The following ABCC1 variants were observed in gnomAD, a reference collection of about 807,000 sequenced individuals.
ABCC1 encodes the protein multidrug resistance-associated protein 1.
ABCC1 carries 83 observed loss-of-function variants against 172.9 expected under a neutral mutation model. The ratio of observed to expected loss-of-function variants is 0.48; its 90% CI spans 0.40 to 0.58. ABCC1 has a LOEUF of 0.58. Among genes scored for constraint, ABCC1 ranks in the 20% least tolerant of loss-of-function variants. ABCC1 has a pLI of 0.00. For synonymous variants in ABCC1, 937 were observed against 825.2 expected, an observed-to-expected ratio of 1.14 and a Z score of -2.32; for missense variants, 1,817 against 2,002.7, an observed-to-expected ratio of 0.91 and a Z score of 1.77.
intron 18 of ABCC1, among the ~76,000 whole-genome samples, chr16:16,087,617 C>T (rs1567388527): frequency 1.3e-5 from 2 of 152,130 alleles, no homozygotes; most frequent in East Asian, 3.9e-4. Context: ...ACCACCACGC[C>T]TGGCTAATTT....
chr16:16,027,623 A>G (rs1424948574), intron 5 of ABCC1, among the ~76,000 whole-genome samples: 2 of 152,194 alleles, frequency 1.3e-5, no homozygotes, highest in African/African-American at 4.8e-5. Flanking sequence ...GACTAGCTCA[A>G]GGAATAGAGT....
chr16:16,047,581 G>A (rs1322407631), intron 9 of ABCC1, among the ~76,000 whole-genome samples: 1 of 152,126 alleles, frequency 6.6e-6, no homozygotes, highest in East Asian at 1.9e-4. Context: ...TCCCAACTGG[G>A]GGCGAGGGCA....
At chr16:16,033,564 T>TA (rs922467367) in intron 6 of ABCC1, among the ~76,000 whole-genome samples, 1 of 152,252 alleles carries the variant, frequency 6.6e-6, no homozygotes, top group African/African-American at 2.4e-5. Context: ...AAGTGTGGGT[T>TA]AAAAAACCAC....
intron 5 of ABCC1, among the ~76,000 whole-genome samples, chr16:16,032,143 A>G (rs2048581310): frequency 6.6e-6 from 1 of 152,110 alleles, no homozygotes; most frequent in African/African-American, 2.4e-5. Flanking sequence ...GGCGCCTGCC[A>G]CCACATCCAG....
At chr16:15,965,735 TAC>T (rs1219085783) in intron 1 of ABCC1, among the ~76,000 whole-genome samples, 2 of 152,138 alleles carry the variant, frequency 1.3e-5, no homozygotes, top group Non-Finnish European at 1.5e-5. Context: ...TAGCTGGGAT[TAC>T]ACATGTGTAC....
rs2048006674 is a variant in ABCC1 at position 16,016,579 on chromosome 16, C to G, written c.573C>G (p.Phe191Leu). The change falls in exon 5 of 31, where the codon TTC becomes TTG. Residue 191 changes from phenylalanine to leucine, a missense_variant. By Grantham distance (22) the Phe-to-Leu change is conservative (BLOSUM62 0). Around this residue, in one of 3 missense-constraint regions of ABCC1, gnomAD observed 398 missense variants for 384.2 expected, o/e 1.04. Transcript: ENST00000399410. ...LLLIQLVLSC[F>L]SDRSPLFSET... ...TCATTCAGCTCGTCTTGTCCTGTTT[C>G]TCAGATCGCTCACCCCTGTTCTCGG... 2 of 1,614,070 alleles carry G rather than the reference C, an allele frequency of 1.2e-6. No homozygotes were observed. The highest frequency in any genetic ancestry group is 2.2e-5 in the East Asian group (1 of 44,892).
intron 16 of ABCC1, among the ~76,000 whole-genome samples, chr16:16,080,796 T>G (rs934420139): frequency 6.6e-6 from 1 of 152,212 alleles, no homozygotes; most frequent in Admixed American, 6.5e-5. Context: ...TCCGCACCTC[T>G]TTAGTGTCTG....
intron 15 of ABCC1, among the ~76,000 whole-genome samples, chr16:16,077,238 A>G (rs2050610631): frequency 6.6e-6 from 1 of 152,178 alleles, no homozygotes; most frequent in Non-Finnish European, 1.5e-5. Context: ...GGGTAGCCAA[A>G]TCACTGCTGT....
chr16:16,124,095 T>C (rs1596539525), intron 24 of ABCC1, among the ~76,000 whole-genome samples: 1 of 152,304 alleles, frequency 6.6e-6, no homozygotes. Context: ...CACTTTGAAA[T>C]GAAGAGTCTG....
At chr16:16,054,591 C>T (rs761183792) in intron 11 of ABCC1, among the ~76,000 whole-genome samples, 1 of 140,782 alleles carries the variant, frequency 7.1e-6, no homozygotes, top group Admixed American at 7.0e-5. Context: ...AGAGGCCTCA[C>T]GTGGTAGGGT....
In ABCC1 at chr16:16,086,909, A is replaced by T; in HGVS notation, c.2378A>T (p.Asp793Val). ...AACGCTGACATTTACCTCTTCGATG[A>T]TCCCCTCTCAGCAGTGGATGCCCAT... The part of the protein sequence containing the change: ...YSNADIYLFD[D>V]PLSAVDAHVG... The change falls in exon 18 of 31, where the codon GAT becomes GTT. Residue 793 changes from aspartate (D) to valine (V), a missense_variant. By Grantham distance (152) the Asp-to-Val change is radical (BLOSUM62 -3). Transcript: ENST00000399410. 1.2e-6 allele frequency: 2 copies of T among 1,614,198 alleles called. No homozygotes were observed. Among genetic ancestry groups the T allele is most frequent in the Non-Finnish European group, 1.7e-6 (2 of 1,180,046 alleles).
chr16:16,120,374 C>T (rs2045098115), intron 23 of ABCC1, among the ~76,000 whole-genome samples: 1 of 152,230 alleles, frequency 6.6e-6, no homozygotes, highest in South Asian at 2.1e-4. Flanking sequence ...CCTCACATGG[C>T]TGGTGCAGCC....
At chr16:16,035,386 A>G (rs930989197) in intron 6 of ABCC1, among the ~76,000 whole-genome samples, 3 of 152,164 alleles carry the variant, frequency 2.0e-5, no homozygotes, top group Admixed American at 6.5e-5. Flanking sequence ...GGAGTGACAT[A>G]GAAAGATTAA....
intron 1 of ABCC1, 92 bp downstream of exon 1, chr16:15,949,891 C>T (rs2045825531): frequency 9.3e-7 from 1 of 1,077,100 alleles, no homozygotes; most frequent in Non-Finnish European, 1.2e-6. Flanking sequence ...GGGCACCCCG[C>T]TCCCCGCTCT....
intron 4 of ABCC1, among the ~76,000 whole-genome samples, chr16:16,015,329 G>A (rs534156428): frequency 6.6e-5 from 10 of 152,088 alleles, no homozygotes; most frequent in African/African-American, 2.2e-4. Context: ...TAGTAGAGAC[G>A]GGGTTTCACC....
At chr16:16,005,246 C>T (rs544943760) in intron 1 of ABCC1, among the ~76,000 whole-genome samples, 14 of 151,740 alleles carry the variant, frequency 9.2e-5, no homozygotes, top group South Asian at 2.1e-4. Flanking sequence ...TTTTGGGGAC[C>T]GCAGCCAAAT....
rs1270827072 is a variant in ABCC1, at chr16:15,949,808, C to T, written c.48+9C>T. 43 of 1,193,954 alleles carry T rather than the reference C, an allele frequency of 3.6e-5. No homozygotes were observed. The highest frequency in any genetic ancestry group is 6.4e-5 in the African/African-American group (4 of 62,724). 74.0% of individuals were successfully genotyped at this position (1,193,954 alleles called of 1,614,324 possible). A position where few individuals can be genotyped will look rare whatever the true frequency, so the allele number is the denominator to read the frequency against. On this transcript the variant is annotated intron_variant, in intron 1 of 30. Transcript: ENST00000399410. ...GCTCCGACCCGCTCTGGGTACGTGC[C>T]GGGGGCCGCGTGAGGCCGGCGGGAC...
chr16:16,044,585 G>A lies in ABCC1; in HGVS notation c.945G>A (p.Lys315=). 6.2e-7 allele frequency: 1 copy of A among 1,614,162 alleles called. No individual in the cohort carries two copies. The highest frequency in any genetic ancestry group is 1.1e-5 in the South Asian group (1 of 91,082). Residue 315 remains lysine (K), a synonymous_variant, in exon 8 of 31, where the codon AAG becomes AAA. Coordinates refer to ENST00000399410, the MANE Select transcript of ABCC1 (RefSeq NM_004996.4). ...AGGAGTGGAACCCCTCTCTGTTTAA[G>A]GTGTTATACAAGACCTTTGGGCCCT... ...PQKEWNPSLF[K]VLYKTFGPYF...
At chr16:16,140,301 A>G (rs1314568857) in intron 30 of ABCC1, among the ~76,000 whole-genome samples, 1 of 152,158 alleles carries the variant, frequency 6.6e-6, no homozygotes, top group Non-Finnish European at 1.5e-5. Flanking sequence ...TAAGAGCCCT[A>G]TAAAGCCATT....
Sources: gnomAD v4.1 joint callset for allele counts (sites outside exome capture counted in the v4.1 genomes callset) on GRCh38, gnomAD v4.1.1 for gene constraint, gnomAD v4.1.1 regional missense constraint, MANE v1.5 for transcripts, NCBI Gene and HGNC (gene_info 2026-07-23, HGNC 2026-07-21) for gene names.